The following ZNF420 variants were observed in gnomAD, a reference collection of about 807,000 sequenced individuals.
ZNF420 encodes the protein ATM and p53-associated KZNF protein.
A neutral mutation model predicts 44.7 loss-of-function variants in ZNF420; 31 were observed. That is an observed-to-expected ratio of 0.69 (90% confidence interval 0.52 to 0.94). ZNF420 has a LOEUF of 0.94. Ranked by LOEUF, ZNF420 falls within the 40% of genes least tolerant of loss-of-function variation. ZNF420 has a pLI of 0.00. For synonymous variants in ZNF420, 245 were observed against 267.4 expected (o/e 0.92, Z 0.82); for missense variants, 681 against 827.9 (o/e 0.82, Z 2.18).
At chr19:37,038,891 C>T (rs1308278393) in intron 1 of ZNF420, among the ~76,000 whole-genome samples, 1 of 151,914 alleles carries the variant, frequency 6.6e-6, no homozygotes, top group Admixed American at 6.6e-5. Flanking sequence ...GCGTCTGAGG[C>T]AGGAGAATCG....
chr19:37,062,330 A>G (rs757142072), intron 1 of ZNF420, among the ~76,000 whole-genome samples: 1 of 152,186 alleles, frequency 6.6e-6, no homozygotes, highest in African/African-American at 2.4e-5. Context: ...AAGAGGAGGA[A>G]CATCTCATTT....
At chr19:37,036,074 C>G (rs1057012581) in intron 1 of ZNF420, among the ~76,000 whole-genome samples, 13 of 152,174 alleles carry the variant, frequency 8.5e-5, no homozygotes, top group Non-Finnish European at 1.3e-4. Flanking sequence ...AACAAGGGCC[C>G]TTTTCATCCA....
chr19:37,085,296 A>G (rs896835337), intron 2 of ZNF420, among the ~76,000 whole-genome samples: 4 of 152,206 alleles, frequency 2.6e-5, no homozygotes, highest in Non-Finnish European at 4.4e-5. Flanking sequence ...ACCACAGTAT[A>G]TTCTCTGTAT....
chr19:37,122,126 G>A (rs1363092207), intron 4 of ZNF420, among the ~76,000 whole-genome samples: 1 of 152,154 alleles, frequency 6.6e-6, no homozygotes, highest in Non-Finnish European at 1.5e-5. Flanking sequence ...TATACCCAAA[G>A]GACTATATAT....
chr19:37,032,507 G>GCA (rs754054285), intron 1 of ZNF420, among the ~76,000 whole-genome samples: 2 of 124,132 alleles, frequency 1.6e-5, no homozygotes, highest in African/African-American at 5.9e-5. Flanking sequence ...CGGTCTTTAA[G>GCA]AAAAAAAAAA....
chr19:37,130,318 G>A lies in ZNF420; in HGVS notation c.*1260G>A. On this transcript the variant is annotated 3_prime_UTR_variant, in exon 5 of 5. Transcript: ENST00000337995. ...AATAAAATTAAACATCTTATTTGTTGATGCTATTGTAGTTCTGTTATTGAC... is the reference window on the plus strand; with the variant it reads ...AATAAAATTAAACATCTTATTTGTTAATGCTATTGTAGTTCTGTTATTGAC... 2.2e-6 allele frequency: 3 copies of A among 1,392,232 alleles called. No homozygotes were observed. Among genetic ancestry groups the A allele is most frequent in the East Asian group, 2.7e-5 (1 of 37,066 alleles). 86.2% of individuals were successfully genotyped at this position (1,392,232 alleles called of 1,614,324 possible). A position where few individuals can be genotyped will look rare whatever the true frequency, so the allele number is the denominator to read the frequency against.
chr19:37,064,847 C>G (rs1315212826), intron 1 of ZNF420, among the ~76,000 whole-genome samples: 1 of 152,144 alleles, frequency 6.6e-6, no homozygotes, highest in African/African-American at 2.4e-5. Context: ...AGACCCAACA[C>G]CAGGTCGTGG....
At chr19:37,017,802 A>G (rs1207665634) in intron 1 of ZNF420, among the ~76,000 whole-genome samples, 1 of 152,190 alleles carries the variant, frequency 6.6e-6, no homozygotes, top group Admixed American at 6.5e-5. Context: ...GCAGAGTACT[A>G]AAAGTACTAG....
At chr19:37,070,228 C>T (rs1338212822) in intron 1 of ZNF420, among the ~76,000 whole-genome samples, 1 of 152,060 alleles carries the variant, frequency 6.6e-6, no homozygotes, top group Non-Finnish European at 1.5e-5. Context: ...TGCACACATA[C>T]ATAACACAGA....
intron 1 of ZNF420, among the ~76,000 whole-genome samples, chr19:37,071,903 ATCTAC>A (rs1039328228): frequency 1.3e-4 from 20 of 152,234 alleles, no homozygotes; most frequent in Admixed American, 8.5e-4. Context: ...ATTATTTTGT[ATCTAC>A]TCTATATTTA....
At chr19:37,088,569 C>T (rs112621765) in intron 2 of ZNF420, among the ~76,000 whole-genome samples, 1,996 of 152,188 alleles carry the variant, frequency 0.013, 46 homozygotes, top group African/African-American at 0.045. Flanking sequence ...TTATTCTATA[C>T]GTACACATGA....
chr19:37,055,462 G>A (rs900011631), intron 1 of ZNF420, among the ~76,000 whole-genome samples: 6 of 152,246 alleles, frequency 3.9e-5, no homozygotes, highest in Middle Eastern at 3.4e-3. Context: ...GTCCGGCCCC[G>A]AAGTCCCCTC....
chr19:37,067,156 G>T (rs2146449295), intron 1 of ZNF420, among the ~76,000 whole-genome samples: 1 of 152,316 alleles, frequency 6.6e-6, no homozygotes, highest in South Asian at 2.1e-4. Context: ...AGTGGGAAAT[G>T]ACTAGGAAGG....
chr19:37,126,602 C>T (rs1971359088), intron 4 of ZNF420, among the ~76,000 whole-genome samples: 1 of 152,180 alleles, frequency 6.6e-6, no homozygotes, highest in Admixed American at 6.5e-5. Flanking sequence ...TTCTGATTCA[C>T]TAGCAGTTAG....
At chr19:37,030,098 G>A (rs529301101) in intron 1 of ZNF420, among the ~76,000 whole-genome samples, 29 of 152,158 alleles carry the variant, frequency 1.9e-4, no homozygotes, top group African/African-American at 6.7e-4. Context: ...TCTGACCCAC[G>A]TGTCCTCATT....
At chr19:37,065,714 A>G (rs1488379445) in intron 1 of ZNF420, among the ~76,000 whole-genome samples, 1 of 152,244 alleles carries the variant, frequency 6.6e-6, no homozygotes, top group East Asian at 1.9e-4. Flanking sequence ...TTCTTGACCT[A>G]CAGAACTAAA....
chr19:37,128,875 A>C lies in ZNF420; in HGVS notation c.1884A>C (p.Ser628=), dbSNP rs141020281. ...RECRKAFTQS[S]HLSRHQRIHT... is the part of the protein sequence containing the mutation. ...GTAGAAAGGCCTTTACTCAGAGTTC[A>C]CATCTTTCTCGGCATCAGAGAATTC... is the stretch of plus-strand genomic sequence containing the variant. Residue 628 remains serine, a synonymous_variant, in exon 5 of 5, where the codon TCA becomes TCC. Transcript: ENST00000337995. The C allele has an allele frequency of 6.2e-7, 1 of 1,613,882 alleles. No homozygotes were observed. Among genetic ancestry groups the C allele is most frequent in the Admixed American group, 1.7e-5 (1 of 59,990 alleles).
chr19:37,084,059 G>A (rs937980143), intron 2 of ZNF420, among the ~76,000 whole-genome samples: 2 of 152,092 alleles, frequency 1.3e-5, no homozygotes, highest in Non-Finnish European at 2.9e-5. Flanking sequence ...ATATATGTGT[G>A]TGTATAATCA....
intron 4 of ZNF420, among the ~76,000 whole-genome samples, chr19:37,103,967 ATTT>A (rs58366687): frequency 1.4e-5 from 2 of 144,272 alleles, no homozygotes; most frequent in Admixed American, 6.9e-5. Context: ...CTCTTCTCTC[ATTT>A]TTTTTTTGTC....
Sources: gnomAD v4.1 joint callset for allele counts (sites outside exome capture counted in the v4.1 genomes callset) on GRCh38, gnomAD v4.1.1 for gene constraint, MANE v1.5 for transcripts, NCBI Gene and HGNC (gene_info 2026-07-23, HGNC 2026-07-21) for gene names.